The following CADPS2 variants were observed in gnomAD, a reference collection of about 807,000 sequenced individuals.
CADPS2 encodes calcium-dependent secretion activator 2.
Under a neutral mutation model 172.5 loss-of-function variants are expected in CADPS2, and 93 were observed. That is an observed-to-expected ratio of 0.54 (90% CI 0.46 to 0.64). The LOEUF is 0.64. Ranked by LOEUF, CADPS2 falls within the 30% of genes least tolerant of loss-of-function variation. The pLI, the probability that CADPS2 is intolerant of heterozygous loss-of-function variation, is 0.00. For synonymous variants in CADPS2, 546 were observed against 555.2 expected (o/e 0.98, Z 0.23); for missense variants, 1,420 against 1,565.9 (o/e 0.91, Z 1.57).
At chr7:122,388,851 T>C (rs1286312021) in intron 22 of CADPS2, 113 bp from the exon 23 acceptor site, 1 of 935,998 alleles carries the variant, frequency 1.1e-6, no homozygotes, top group South Asian at 2.5e-5. Flanking sequence ...AAATACCATA[T>C]AAAGTCTCTA....
At chr7:122,620,135 C>T (rs559272675) in intron 5 of CADPS2, among the ~76,000 whole-genome samples, 3 of 152,192 alleles carry the variant, frequency 2.0e-5, no homozygotes, top group South Asian at 2.1e-4. Flanking sequence ...AACTGTTCTT[C>T]GTAAGACTGT....
intron 2 of CADPS2, among the ~76,000 whole-genome samples, chr7:122,677,607 T>A (rs2135719715): frequency 6.6e-6 from 1 of 152,218 alleles, no homozygotes; most frequent in African/African-American, 2.4e-5. Flanking sequence ...CCCTCACAAC[T>A]GCATAAAGAA....
intron 24 of CADPS2, among the ~76,000 whole-genome samples, chr7:122,380,880 G>C (rs983236396): frequency 6.6e-6 from 1 of 152,098 alleles, no homozygotes; most frequent in Non-Finnish European, 1.5e-5. Flanking sequence ...TTCTATTCCA[G>C]TAGTGCTGAT....
chr7:122,808,172 C>G (rs1040276178), intron 1 of CADPS2, among the ~76,000 whole-genome samples: 1 of 152,054 alleles, frequency 6.6e-6, no homozygotes. Flanking sequence ...TTGGTTATTG[C>G]TTCTATGTGT....
rs1304274896 is a variant in CADPS2, at chr7:122,677,647, A to G, written c.454-14078T>C. ...CTAGTATTTATCTTAAAGGTAAACA[A>G]CAACAACAACAACAATAAAAACCCA... is the stretch of plus-strand genomic sequence containing the variant. On this transcript the variant is annotated intron_variant, in intron 2 of 29. Coordinates refer to ENST00000449022, the MANE Select transcript of CADPS2 (RefSeq NM_017954.11). Among the ~76,000 whole-genome samples the G allele has an allele frequency of 3.3e-5, 5 of 152,356 alleles. No homozygotes were observed. The East Asian group carries it at 7.7e-4, about 23-fold the overall frequency.
At chr7:122,543,712 A>T (rs758877864) in intron 8 of CADPS2, among the ~76,000 whole-genome samples, 7 of 152,108 alleles carry the variant, frequency 4.6e-5, no homozygotes, top group Non-Finnish European at 8.8e-5. Context: ...AAAAATATCA[A>T]GGGAATTTTC....
At chr7:122,376,764 T>C (rs965654734) in intron 25 of CADPS2, among the ~76,000 whole-genome samples, 1 of 152,142 alleles carries the variant, frequency 6.6e-6, no homozygotes, top group Non-Finnish European at 1.5e-5. Context: ...TGGGAGGTGA[T>C]GGATACGTTT....
chr7:122,764,229 C>G (rs1036040411), intron 1 of CADPS2, among the ~76,000 whole-genome samples: 7 of 152,072 alleles, frequency 4.6e-5, no homozygotes, highest in Non-Finnish European at 1.0e-4. Flanking sequence ...TTACGTGTTC[C>G]TACATCACCC....
At chr7:122,744,374 G>C (rs978325190) in intron 1 of CADPS2, among the ~76,000 whole-genome samples, 1 of 152,076 alleles carries the variant, frequency 6.6e-6, no homozygotes, top group Non-Finnish European at 1.5e-5. Flanking sequence ...GGGATTTATT[G>C]GTAATATGCA....
At position 122,505,926 on chromosome 7, in the gene CADPS2, G is replaced by A. The variant is rs563912080; in HGVS notation, c.1542+7323C>T. ...AGGCCAGACCTAGAACAAACCCACA[G>A]GGTAAATTCAGGTGTTCCTGAATAG... On this transcript the variant is annotated intron_variant, in intron 9 of 29. Coordinates refer to ENST00000449022, the MANE Select transcript of CADPS2 (RefSeq NM_017954.11). Among the ~76,000 whole-genome samples, 4 of 152,286 alleles carry A rather than the reference G, an allele frequency of 2.6e-5. No homozygotes were observed. In the South Asian group the frequency reaches 6.2e-4, roughly 24 times the overall value.
At chr7:122,370,290 A>T (rs1355418701) in intron 25 of CADPS2, among the ~76,000 whole-genome samples, 1 of 152,228 alleles carries the variant, frequency 6.6e-6, no homozygotes, top group East Asian at 1.9e-4. Flanking sequence ...TGTTTTGCTT[A>T]GCACTGTATC....
At chr7:122,865,505 C>T (rs961481447) in intron 1 of CADPS2, among the ~76,000 whole-genome samples, 1 of 152,222 alleles carries the variant, frequency 6.6e-6, no homozygotes, top group African/African-American at 2.4e-5. Context: ...CCTATTGCAG[C>T]AAAACTTACT....
At chr7:122,326,169 A>T (rs943764773) in intron 28 of CADPS2, among the ~76,000 whole-genome samples, 2 of 152,070 alleles carry the variant, frequency 1.3e-5, no homozygotes, top group African/African-American at 4.8e-5. Context: ...ACCATCTAAA[A>T]TAAAGATTTA....
At chr7:122,335,601 T>C (rs2035740570) in intron 28 of CADPS2, among the ~76,000 whole-genome samples, 1 of 152,178 alleles carries the variant, frequency 6.6e-6, no homozygotes, top group South Asian at 2.1e-4. Flanking sequence ...AGCAAAAGTA[T>C]GGGAAAGTTA....
At chr7:122,668,771 T>A (rs935884437) in intron 2 of CADPS2, among the ~76,000 whole-genome samples, 1 of 152,194 alleles carries the variant, frequency 6.6e-6, no homozygotes, top group Non-Finnish European at 1.5e-5. Context: ...CAGGTCACTT[T>A]TGACAGACAA....
At chr7:122,357,147 A>C (rs1424048654) in intron 27 of CADPS2, among the ~76,000 whole-genome samples, 2 of 152,202 alleles carry the variant, frequency 1.3e-5, no homozygotes, top group Admixed American at 1.3e-4. Flanking sequence ...AATCCATTAC[A>C]GGATCATTCT....
Position 122,535,749 on chromosome 7 carries a change from T to TTGGGATG in CADPS2, c.1475+18800_1475+18801insCATCCCA, listed in dbSNP as rs977255008. On this transcript the variant is annotated intron_variant, in intron 8 of 29. Transcript: ENST00000449022. ...TTTTAAAGCCTAATGGCAAGAGTTG[T>TTGGGATG]AGATTGATGGGATGATATACTGAGC... is the stretch of plus-strand genomic sequence containing the variant. Among the ~76,000 whole-genome samples the TTGGGATG allele has an allele frequency of 3.3e-3, 506 of 152,246 alleles. 4 individuals are homozygous for TTGGGATG. Among genetic ancestry groups the TTGGGATG allele is most frequent in the African/African-American group, 0.012 (483 of 41,582 alleles).
At chr7:122,545,186 G>C (rs1336826908) in intron 8 of CADPS2, among the ~76,000 whole-genome samples, 3 of 152,024 alleles carry the variant, frequency 2.0e-5, no homozygotes, top group Non-Finnish European at 4.4e-5. Context: ...CGATTATCTT[G>C]GTATAAAAAA....
At chr7:122,485,245 A>C (rs2057687889) in intron 11 of CADPS2, among the ~76,000 whole-genome samples, 1 of 152,220 alleles carries the variant, frequency 6.6e-6, no homozygotes, top group Admixed American at 6.6e-5. Flanking sequence ...ACAAATGATC[A>C]TGCTTAGTGA....
Sources: allele counts gnomAD v4.1 joint callset (sites outside exome capture counted in the v4.1 genomes callset), GRCh38; gene constraint gnomAD v4.1.1; transcripts MANE v1.5; gene names NCBI Gene and HGNC (gene_info 2026-07-23, HGNC 2026-07-21).